UNC13C: variants seen among roughly 807,000 people sequenced by gnomAD.
UNC13C encodes the protein unc-13 homolog C, also known as protein unc-13 homolog C.
A neutral mutation model predicts 245.4 loss-of-function variants in UNC13C; 174 were observed. That is an observed-to-expected ratio of 0.71 (90% CI 0.63 to 0.80). The LOEUF (loss-of-function observed/expected upper bound fraction) is 0.80, where lower values mean the gene tolerates loss of function less well. Among genes scored for constraint, UNC13C ranks in the 30% least tolerant of loss-of-function variants. UNC13C has a pLI of 0.00. For synonymous variants in UNC13C, 992 were observed against 895.1 expected, an observed-to-expected ratio of 1.11 and a Z score of -1.93; for missense variants, 2,829 against 2,602.9, an observed-to-expected ratio of 1.09 and a Z score of -1.89.
intron 4 of UNC13C, among the ~76,000 whole-genome samples, chr15:54,217,340 C>G (rs2035072505): frequency 6.6e-6 from 1 of 151,758 alleles, no homozygotes; most frequent in South Asian, 2.1e-4. Flanking sequence ...AAGGTGCCAA[C>G]CAAGGATCAG....
chr15:53,981,238 G>A (rs781477323), intron 1 of UNC13C, among the ~76,000 whole-genome samples: 9 of 152,112 alleles, frequency 5.9e-5, no homozygotes, highest in Non-Finnish European at 1.2e-4. Context: ...TTGTCTTCCA[G>A]TTTCAACATA....
intron 30 of UNC13C, among the ~76,000 whole-genome samples, chr15:54,590,160 A>G (rs1268583525): frequency 4.6e-5 from 7 of 152,132 alleles, no homozygotes; most frequent in African/African-American, 1.7e-4. Context: ...GCCTATTTTT[A>G]TACCAGTACC....
the UNC13C span, among the ~76,000 whole-genome samples, chr15:53,860,986 G>A: frequency 1.8e-4 from 27 of 151,840 alleles, no homozygotes; most frequent in African/African-American, 6.5e-4. Context: ...CAAAATATGG[G>A]GCTTTAGACT....
intron 2 of UNC13C, among the ~76,000 whole-genome samples, chr15:54,090,797 G>C (rs4321129): frequency 0.46 from 69,515 of 151,980 alleles, 17,930 homozygotes; most frequent in Non-Finnish European, 0.59. Context: ...CCCATTGATG[G>C]GCTAAGTTGC....
intron 4 of UNC13C, among the ~76,000 whole-genome samples, chr15:54,202,338 C>T (rs527757858): frequency 2.0e-5 from 3 of 151,908 alleles, no homozygotes; most frequent in African/African-American, 7.2e-5. Context: ...TCATATGGAA[C>T]CAAAAAAGAG....
intron 4 of UNC13C, among the ~76,000 whole-genome samples, chr15:54,216,156 G>C (rs1002389758): frequency 6.6e-6 from 1 of 151,974 alleles, no homozygotes; most frequent in African/African-American, 2.4e-5. Context: ...AGGCAAAGGA[G>C]GGGTAAAGGA....
intron 29 of UNC13C, among the ~76,000 whole-genome samples, chr15:54,567,011 CAGGT>C (rs1228978061): frequency 6.6e-6 from 1 of 151,930 alleles, no homozygotes; most frequent in East Asian, 1.9e-4. Flanking sequence ...CATTTATAAA[CAGGT>C]AGAAAAAAAC....
chr15:54,540,741 A>T (rs1896206282), intron 26 of UNC13C, among the ~76,000 whole-genome samples: 1 of 152,104 alleles, frequency 6.6e-6, no homozygotes, highest in Non-Finnish European at 1.5e-5. Flanking sequence ...CTGCATTTTT[A>T]ACTAAAAGAA....
intron 2 of UNC13C, among the ~76,000 whole-genome samples, chr15:54,037,730 G>A (rs1032963310): frequency 7.2e-5 from 11 of 152,060 alleles, no homozygotes; most frequent in African/African-American, 1.9e-4. Flanking sequence ...TTCTGTAAGT[G>A]ATCTAACGCC....
chr15:54,161,651 T>C lies in UNC13C; in HGVS notation c.3071+17967T>C, dbSNP rs750097804. ...CAGTAAGCCTTTTGTCAGTTATCAT[T>C]AAAATTTTGACTTTTTCAGCTGGGC... On this transcript the variant is annotated intron_variant, in intron 4 of 32. Coordinates refer to ENST00000260323, the MANE Select transcript of UNC13C (RefSeq NM_001080534.3). 1.2e-4 allele frequency among the ~76,000 whole-genome samples: 18 copies of C among 152,090 alleles called. 1 individual carries two copies. The highest frequency in any genetic ancestry group is 2.4e-4 in the Non-Finnish European group (16 of 68,010).
chr15:54,564,995 C>A (rs973244531), intron 29 of UNC13C, among the ~76,000 whole-genome samples: 1 of 151,938 alleles, frequency 6.6e-6, no homozygotes, highest in African/African-American at 2.4e-5. Flanking sequence ...GTCTTGGTTA[C>A]TTGGTGGGAT....
chr15:54,408,445 T>G (rs2040352419), intron 18 of UNC13C, among the ~76,000 whole-genome samples: 2 of 152,062 alleles, frequency 1.3e-5, no homozygotes, highest in African/African-American at 4.8e-5. Flanking sequence ...ATTTTTGAAT[T>G]AGAAATAATA....
chr15:53,887,715 G>A, the UNC13C span, among the ~76,000 whole-genome samples: 2 of 151,692 alleles, frequency 1.3e-5, no homozygotes, highest in South Asian at 2.1e-4. Context: ...CCTCCACTAC[G>A]CCCCACCCCC....
At chr15:54,525,719 C>A in intron 25 of UNC13C, 82 bp downstream of exon 25, 1 of 1,147,670 alleles carries the variant, frequency 8.7e-7, no homozygotes, top group South Asian at 1.4e-5. Context: ...GCTGTTTCCT[C>A]TGACTGACTA....
At chr15:54,454,353 G>T (rs966224119) in intron 19 of UNC13C, among the ~76,000 whole-genome samples, 1 of 152,044 alleles carries the variant, frequency 6.6e-6, no homozygotes, top group African/African-American at 2.4e-5. Flanking sequence ...AAAGCAGGCA[G>T]ATGACCTGAG....
chr15:54,593,665 A>G (rs1898920145), intron 30 of UNC13C, among the ~76,000 whole-genome samples: 1 of 152,086 alleles, frequency 6.6e-6, no homozygotes, highest in African/African-American at 2.4e-5. Flanking sequence ...AAGTGTGTCT[A>G]AAGTTTCCTG....
intron 4 of UNC13C, among the ~76,000 whole-genome samples, chr15:54,155,842 G>C (rs988589827): frequency 6.6e-6 from 1 of 152,128 alleles, no homozygotes; most frequent in Non-Finnish European, 1.5e-5. Flanking sequence ...CATGGATATG[G>C]AAAATAAAAT....
the UNC13C span, among the ~76,000 whole-genome samples, chr15:53,946,094 G>A: frequency 6.6e-6 from 1 of 152,082 alleles, no homozygotes; most frequent in Non-Finnish European, 1.5e-5. Flanking sequence ...TTTTTATCCT[G>A]ATACTTTGCT....
intron 2 of UNC13C, among the ~76,000 whole-genome samples, chr15:54,133,806 A>G (rs1031087511): frequency 2.0e-5 from 3 of 152,178 alleles, no homozygotes; most frequent in Non-Finnish European, 2.9e-5. Flanking sequence ...ATATACATAT[A>G]TGATTATCTG....
Sources: gnomAD v4.1 joint callset for allele counts (sites outside exome capture counted in the v4.1 genomes callset) on GRCh38, gnomAD v4.1.1 for gene constraint, MANE v1.5 for transcripts, NCBI Gene and HGNC (gene_info 2026-07-23, HGNC 2026-07-21) for gene names.